The following HSD17B3 variants were observed in gnomAD, a reference collection of about 807,000 sequenced individuals.
HSD17B3 encodes hydroxysteroid 17-beta dehydrogenase 3.
Under a neutral mutation model 41.1 loss-of-function variants are expected in HSD17B3, and 29 were observed. The ratio of observed to expected loss-of-function variants is 0.71; its 90% confidence interval spans 0.53 to 0.96. The LOEUF (loss-of-function observed/expected upper bound fraction) is 0.96. HSD17B3 is among the 40% of genes least tolerant of loss of function. The pLI, the probability that HSD17B3 is intolerant of heterozygous loss-of-function variation, is 0.00. For missense variants in HSD17B3, 323 were observed against 374.6 expected, an observed-to-expected ratio of 0.86 and a Z score of 1.14; for synonymous variants, 126 against 145.6, an observed-to-expected ratio of 0.87 and a Z score of 0.97.
chr9:96,296,074 C>T (rs1371261979), intron 2 of HSD17B3, among the ~76,000 whole-genome samples: 1 of 151,912 alleles, frequency 6.6e-6, no homozygotes. Flanking sequence ...CATGGTGAAA[C>T]CCTGTCAGTA....
chr9:96,275,939 C>T (rs913547129), intron 2 of HSD17B3, among the ~76,000 whole-genome samples: 3 of 151,528 alleles, frequency 2.0e-5, no homozygotes, highest in African/African-American at 7.3e-5. Flanking sequence ...ACTCCCCAGT[C>T]AAAAGGCATA....
At chr9:96,248,171 T>A (rs1836748250) in intron 6 of HSD17B3, among the ~76,000 whole-genome samples, 2 of 152,142 alleles carry the variant, frequency 1.3e-5, no homozygotes, top group Non-Finnish European at 2.9e-5. Context: ...AGGCTGCAGA[T>A]GACAGTTAGA....
chr9:96,247,413 C>G (rs772774916), intron 6 of HSD17B3: 8 of 152,450 alleles, frequency 5.2e-5, no homozygotes, highest in Admixed American at 2.6e-4. Flanking sequence ...CACAGGCTGC[C>G]CATTTCTCCA....
chr9:96,275,895 C>T (rs971029831), intron 2 of HSD17B3, among the ~76,000 whole-genome samples: 7 of 151,554 alleles, frequency 4.6e-5, no homozygotes, highest in Non-Finnish European at 1.0e-4. Flanking sequence ...AAGTCCTCAC[C>T]TATCAATAAT....
At chr9:96,284,020 C>T (rs1826808382) in intron 2 of HSD17B3, among the ~76,000 whole-genome samples, 2 of 151,848 alleles carry the variant, frequency 1.3e-5, no homozygotes, top group Admixed American at 6.6e-5. Context: ...AAATTCCAGA[C>T]CAGCCTGGCC....
In HSD17B3 at chr9:96,240,666, T is replaced by G; in HGVS notation, c.822+92A>C. The G allele has an allele frequency of 5.4e-6, 7 of 1,285,538 alleles. No individual in the cohort carries two copies. The Admixed American group carries it at 1.0e-4, about 19-fold the overall frequency. 79.6% of individuals were successfully genotyped at this position (1,285,538 alleles called of 1,614,324 possible). On this transcript the variant is annotated intron_variant, in intron 10 of 10. Coordinates refer to ENST00000375263, the MANE Select transcript of HSD17B3 (RefSeq NM_000197.2). ...GCTATATTAACGCATCAATGAGTGC[T>G]CCAGCAGCAAGGAAGAGCTAGCCCA... is the stretch of plus-strand genomic sequence containing the variant.
chr9:96,250,555 A>G (rs756979677), intron 5 of HSD17B3: 3 of 843,456 alleles, frequency 3.6e-6, no homozygotes, highest in African/African-American at 1.8e-5. Flanking sequence ...TCCAAAGGTC[A>G]GGGCCTAAGA....
rs529861368 is a variant in HSD17B3, at chr9:96,280,185, G to A, written c.201+18231C>T. Among the ~76,000 whole-genome samples the A allele has an allele frequency of 3.9e-5, 6 of 152,332 alleles. No homozygotes were observed. In the South Asian group the frequency reaches 6.2e-4, roughly 16 times the overall value. On this transcript the variant is annotated intron_variant, in intron 2 of 10. Transcript: ENST00000375263. ...CAACCACCCATCTCCATCATGGCCT[G>A]AACTGGTTTTTCAGGTTAACTTAGG...
rs34593569 is a variant in HSD17B3 at position 96,240,743 on chromosome 9, G to A, written c.822+15C>T. The A allele has an allele frequency of 1.9e-6, 3 of 1,613,922 alleles. No homozygotes were observed. The highest frequency in any genetic ancestry group is 1.7e-6 in the Non-Finnish European group (2 of 1,179,994). On this transcript the variant is annotated intron_variant, in intron 10 of 10. Transcript: ENST00000375263. ...TCCCTCCCTGGCTTCAAGAAAAGGA[G>A]AAGTTATCAATTACCAAGATTTCAT...
chr9:96,246,619 A>T (rs746403459), intron 6 of HSD17B3, 29 bp from the exon 7 acceptor site: 2 of 1,611,376 alleles, frequency 1.2e-6, no homozygotes, highest in Admixed American at 1.7e-5. Context: ...GGTAAGCCCG[A>T]CAAGGAACTA....
chr9:96,267,948 C>CAGGGGAAA (rs1826100820), intron 2 of HSD17B3, among the ~76,000 whole-genome samples: 1 of 152,034 alleles, frequency 6.6e-6, no homozygotes, highest in African/African-American at 2.4e-5. Context: ...TTTTTTGAGA[C>CAGGGGAAA]AGAGTCTCAC....
chr9:96,299,743 C>T (rs8190493), intron 1 of HSD17B3, among the ~76,000 whole-genome samples: 159 of 152,200 alleles, frequency 1.0e-3, no homozygotes, highest in African/African-American at 2.8e-3. Flanking sequence ...GACTTTGGGG[C>T]CCTGAGTCTA....
At chr9:96,280,906 AAT>A (rs1826666345) in intron 2 of HSD17B3, among the ~76,000 whole-genome samples, 1 of 152,194 alleles carries the variant, frequency 6.6e-6, no homozygotes, top group Admixed American at 6.5e-5. Flanking sequence ...ATGCCAGGGC[AAT>A]GTCAGGAAGT....
chr9:96,267,377 C>G lies in HSD17B3; in HGVS notation c.202-12434G>C, dbSNP rs181597201. On this transcript the variant is annotated intron_variant, in intron 2 of 10. Transcript: ENST00000375263. The stretch of plus-strand genomic sequence containing the variant: ...TTCACCATGTTGGCCAGGCTGGTCT[C>G]GAACTCCTGACCTCAAGTGATCCAC... Among the ~76,000 whole-genome samples, 664 of 151,954 alleles carry G rather than the reference C, an allele frequency of 4.4e-3. 3 individuals are homozygous for G. The highest frequency in any genetic ancestry group is 0.016 in the African/African-American group (645 of 41,404).
intron 2 of HSD17B3, among the ~76,000 whole-genome samples, chr9:96,273,746 C>T (rs1436895740): frequency 6.6e-6 from 1 of 152,190 alleles, no homozygotes; most frequent in African/African-American, 2.4e-5. Flanking sequence ...CATCCGCCTT[C>T]ACTACCAAGA....
intron 2 of HSD17B3, among the ~76,000 whole-genome samples, chr9:96,282,600 T>C (rs1310574720): frequency 6.6e-6 from 1 of 152,232 alleles, no homozygotes; most frequent in African/African-American, 2.4e-5. Context: ...AGCCCTCATC[T>C]GCACTTCTGC....
chr9:96,292,296 G>A (rs573363757), intron 2 of HSD17B3, among the ~76,000 whole-genome samples: 2 of 152,312 alleles, frequency 1.3e-5, no homozygotes, highest in South Asian at 4.1e-4. Context: ...GTGTTACAAG[G>A]AGAGAAGAGG....
intron 10 of HSD17B3, 144 bp downstream of exon 10, chr9:96,240,614 C>T: frequency 3.5e-6 from 3 of 861,424 alleles, no homozygotes; most frequent in Non-Finnish European, 5.7e-6. Flanking sequence ...GGCTTCTCTC[C>T]ACCTCGCCAC....
intron 2 of HSD17B3, among the ~76,000 whole-genome samples, chr9:96,278,690 A>G (rs1826568213): frequency 1.3e-5 from 2 of 152,226 alleles, no homozygotes; most frequent in Admixed American, 6.5e-5. Context: ...ATGGTAGGCC[A>G]TGAATTTGAT....
Sources: gnomAD v4.1 joint callset for allele counts (sites outside exome capture counted in the v4.1 genomes callset) on GRCh38, gnomAD v4.1.1 for gene constraint, MANE v1.5 for transcripts, NCBI Gene and HGNC (gene_info 2026-07-23, HGNC 2026-07-21) for gene names.